Variants in WASHC5 observed in about 807,000 individuals in gnomAD.
The protein encoded by WASHC5 is WASH complex subunit strumpellin.
Under a neutral mutation model 150.4 loss-of-function variants are expected in WASHC5, and 101 were observed. The observed-to-expected ratio is 0.67, with a 90% CI of 0.57 to 0.79. WASHC5 has a LOEUF of 0.79. Among genes scored for constraint, WASHC5 ranks in the 30% least tolerant of loss-of-function variants. The pLI is 0.00. For missense variants in WASHC5, 1,195 were observed against 1,396.3 expected (o/e 0.86, Z 2.30); for synonymous variants, 467 against 491.2 (o/e 0.95, Z 0.65).
chr8:125,034,363 G>C (rs1167814773), intron 26 of WASHC5, among the ~76,000 whole-genome samples: 7 of 152,096 alleles, frequency 4.6e-5, no homozygotes, highest in Non-Finnish European at 7.4e-5. Flanking sequence ...CCCGAGCATG[G>C]TGATGCATGC....
chr8:125,074,916 C>T, intron 8 of WASHC5, 82 bp downstream of exon 8: 2 of 852,652 alleles, frequency 2.3e-6, no homozygotes, highest in Non-Finnish European at 4.1e-6. Flanking sequence ...TTCCAAATTC[C>T]TTGGGAAATC....
intron 9 of WASHC5, among the ~76,000 whole-genome samples, chr8:125,070,752 TA>T (rs1816874229): frequency 6.6e-6 from 1 of 152,220 alleles, no homozygotes; most frequent in African/African-American, 2.4e-5. Context: ...ATACTGTGGG[TA>T]AATTGTAAAT....
chr8:125,076,572 C>A lies in WASHC5; in HGVS notation c.712-72G>T, dbSNP rs1456313374. On this transcript the variant is annotated intron_variant, in intron 6 of 28. Transcript: ENST00000318410. ...CACGTAGACATGCTCAAATTAAACT[C>A]TCTGGTTGTAAGACACATCAGTTTT... The A allele has an allele frequency of 3.2e-6, 5 of 1,570,456 alleles. No individual in the cohort carries two copies. In the East Asian group the frequency reaches 1.1e-4, roughly 35 times the overall value.
intron 9 of WASHC5, among the ~76,000 whole-genome samples, chr8:125,067,923 G>A (rs1816796541): frequency 6.6e-6 from 1 of 152,204 alleles, no homozygotes; most frequent in African/African-American, 2.4e-5. Flanking sequence ...CTGACATGGA[G>A]TGCCATCCTT....
chr8:125,050,745 G>T, intron 17 of WASHC5, 80 bp from the exon 18 acceptor site: 1 of 1,081,606 alleles, frequency 9.2e-7, no homozygotes, highest in Non-Finnish European at 1.4e-6. Context: ...ATGGCTTTCA[G>T]AATCTGCAGT....
Position 125,059,264 on chromosome 8 carries a change from T to A in WASHC5, c.1722A>T (p.Val574=), listed in dbSNP as rs750980057. ...FTSIMQESIR[V]NPSMVTKLRA... ...TGAGTTTAGTAACCATGGATGGATT[T>A]ACCCTTATGCTTTCTTGCATGATGG... Residue 574 remains valine, a synonymous_variant, in exon 14 of 29, where the codon GTA becomes GTT. Transcript: ENST00000318410. 1.9e-6 allele frequency: 3 copies of A among 1,614,098 alleles called. No homozygotes were observed.
At chr8:125,032,631 T>C in intron 26 of WASHC5, 1 of 537,186 alleles carries the variant, frequency 1.9e-6, no homozygotes, top group South Asian at 2.0e-5. Flanking sequence ...GTAATTATCA[T>C]TACTGGTTCT....
intron 5 of WASHC5, 79 bp from the exon 6 acceptor site, chr8:125,079,009 C>A: frequency 1.9e-5 from 22 of 1,183,718 alleles, no homozygotes; most frequent in Non-Finnish European, 2.6e-5. Context: ...AGTAGAATTC[C>A]ATTCTACTTT....
intron 3 of WASHC5, 146 bp from the exon 4 acceptor site, chr8:125,082,613 C>A: frequency 1.6e-6 from 1 of 642,772 alleles, no homozygotes; most frequent in East Asian, 2.7e-5. Context: ...CTTAAGAATA[C>A]AGTCTTATAA....
chr8:125,088,253 C>T (rs1453477647), intron 1 of WASHC5, among the ~76,000 whole-genome samples: 2 of 144,408 alleles, frequency 1.4e-5, no homozygotes, highest in Admixed American at 6.7e-5. Context: ...GGGATCACCC[C>T]GGCTCTACTA....
At chr8:125,039,974 A>T in intron 23 of WASHC5, 76 bp from the exon 24 acceptor site, 1 of 925,332 alleles carries the variant, frequency 1.1e-6, no homozygotes, top group Non-Finnish European at 1.7e-6. Flanking sequence ...AAACACAAAG[A>T]TGACAATTCT....
At position 125,044,575 on chromosome 8, in the gene WASHC5, T is replaced by C; in HGVS notation, c.2628A>G (p.Leu876=). Residue 876 remains leucine, a synonymous_variant, in exon 21 of 29, where the codon TTA becomes TTG. Transcript: ENST00000318410. ...TTLGTFGLNG[L]DRLLCFMIVK... ...CAATCATAAAGCACAGAAGCCTGTC[T>C]AAGCCATTTAGACCAAAGGTTCCCA... The C allele has an allele frequency of 2.5e-6, 4 of 1,614,174 alleles. No individual in the cohort carries two copies. Among genetic ancestry groups the C allele is most frequent in the Non-Finnish European group, 3.4e-6 (4 of 1,179,994 alleles).
In WASHC5 at chr8:125,075,074, A is replaced by G. The variant is rs927820649; in HGVS notation, c.902T>C (p.Val301Ala). The G allele has an allele frequency of 6.2e-7, 1 of 1,611,474 alleles. No homozygotes were observed. Residue 301 changes from valine to alanine, a missense_variant, in exon 8 of 29, where the codon GTA becomes GCA. Physicochemically the swap from Val to Ala is moderately conservative, Grantham distance 64 (BLOSUM62 0). This residue lies in a region of WASHC5 where 997 missense variants were observed against 1,168.1 expected (regional missense o/e 0.85). Coordinates refer to ENST00000318410, the MANE Select transcript of WASHC5 (RefSeq NM_014846.4). ...AGCTTTGTAAGGTTCCCAAGCATCT[A>G]CTAGATTAACTGTGATCCCCATGTA... Reference protein sequence around the residue: ...SIYMGITVNLVDAWEPYKAAK... With the variant: ...SIYMGITVNLADAWEPYKAAK...
chr8:125,081,788 A>C, intron 4 of WASHC5, 27 bp from the exon 5 acceptor site: 2 of 1,287,846 alleles, frequency 1.6e-6, no homozygotes, highest in Non-Finnish European at 2.3e-6. Context: ...ACAAAAGCCA[A>C]AATCACTAGA....
At position 125,056,706 on chromosome 8, in the gene WASHC5, C is replaced by T; in HGVS notation, c.1987G>A (p.Asp663Asn). 1 of 1,614,090 alleles carries T rather than the reference C, an allele frequency of 6.2e-7. No homozygotes were observed. The highest frequency in any genetic ancestry group is 8.5e-7 in the Non-Finnish European group (1 of 1,179,986). ...TATCGTGGGCCTAGCTGAGCATAGTCCCTCAGCTTGTCTTTGTCCAGGCGG... is the reference window on the plus strand; with the variant it reads ...TATCGTGGGCCTAGCTGAGCATAGTTCCTCAGCTTGTCTTTGTCCAGGCGG... ...PTRLDKDKLR[D>N]YAQLGPRYEV... The change falls in exon 16 of 29, where the codon GAC becomes AAC. Residue 663 changes from aspartate (D) to asparagine (N), a missense_variant. By Grantham distance (23) the Asp-to-Asn change is conservative. This residue lies in a region of WASHC5 where 997 missense variants were observed against 1,168.1 expected (regional missense o/e 0.85). Transcript: ENST00000318410.
chr8:125,057,974 C>T (rs1010272849), intron 14 of WASHC5, among the ~76,000 whole-genome samples: 1 of 151,932 alleles, frequency 6.6e-6, no homozygotes, highest in East Asian at 1.9e-4. Context: ...TGTGTTACAA[C>T]CAGCCCCGCA....
At chr8:125,044,485 TG>T in intron 21 of WASHC5, 50 bp downstream of exon 21, 1 of 1,600,580 alleles carries the variant, frequency 6.2e-7, no homozygotes, top group Non-Finnish European at 8.6e-7. Flanking sequence ...AATATGTTCT[TG>T]CCTCTCCCCC....
At chr8:125,031,260 TAGA>T (rs936924963) in intron 27 of WASHC5, among the ~76,000 whole-genome samples, 13 of 152,060 alleles carry the variant, frequency 8.5e-5, no homozygotes, top group Admixed American at 2.6e-4. Flanking sequence ...TGTGTGGACT[TAGA>T]AGATCACTTT....
intron 8 of WASHC5, among the ~76,000 whole-genome samples, chr8:125,073,695 T>C (rs970730497): frequency 2.0e-5 from 3 of 152,224 alleles, no homozygotes; most frequent in Non-Finnish European, 4.4e-5. Flanking sequence ...ACTATACTTA[T>C]TGGGCTCAAA....
Sources: gnomAD v4.1 joint callset for allele counts (sites outside exome capture counted in the v4.1 genomes callset) on GRCh38, gnomAD v4.1.1 for gene constraint, gnomAD v4.1.1 regional missense constraint, MANE v1.5 for transcripts, NCBI Gene and HGNC (gene_info 2026-07-23, HGNC 2026-07-21) for gene names.